The following MYRIP variants were observed in gnomAD, a reference collection of about 807,000 sequenced individuals.
MYRIP encodes myosin VIIA and Rab interacting protein.
MYRIP carries 49 observed loss-of-function variants against 98.0 expected under a neutral mutation model. The observed-to-expected ratio is 0.50, with a 90% CI of 0.40 to 0.63. MYRIP has a LOEUF of 0.63. MYRIP is among the 30% of genes least tolerant of loss of function. The pLI is 0.00. For missense variants in MYRIP, 1,004 were observed against 1,058.2 expected, an observed-to-expected ratio of 0.95 and a Z score of 0.71; for synonymous variants, 404 against 409.5, an observed-to-expected ratio of 0.99 and a Z score of 0.16.
At chr3:40,123,015 T>C (rs1465524991) in intron 3 of MYRIP, among the ~76,000 whole-genome samples, 3 of 152,190 alleles carry the variant, frequency 2.0e-5, no homozygotes, top group Non-Finnish European at 4.4e-5. Context: ...TTTTGAGCTT[T>C]TGAATTTTTC....
At chr3:39,957,778 C>G (rs1218463879) in intron 2 of MYRIP, among the ~76,000 whole-genome samples, 2 of 152,120 alleles carry the variant, frequency 1.3e-5, no homozygotes, top group Non-Finnish European at 2.9e-5. Flanking sequence ...ATTTAGAAAA[C>G]CCCATTGTCT....
At chr3:40,037,725 C>T (rs1947414804) in intron 2 of MYRIP, among the ~76,000 whole-genome samples, 1 of 152,088 alleles carries the variant, frequency 6.6e-6, no homozygotes, top group African/African-American at 2.4e-5. Flanking sequence ...CCTCTGCACC[C>T]TCTTTTCACA....
intron 1 of MYRIP, among the ~76,000 whole-genome samples, chr3:39,847,220 G>T (rs542758226): frequency 4.6e-5 from 7 of 152,212 alleles, no homozygotes; most frequent in Admixed American, 2.0e-4. Flanking sequence ...AAGATATCCT[G>T]CATGCAACTG....
chr3:39,913,438 A>C (rs1203799530), intron 2 of MYRIP, among the ~76,000 whole-genome samples: 1 of 152,314 alleles, frequency 6.6e-6, no homozygotes, highest in South Asian at 2.1e-4. Flanking sequence ...TAAACAGTAT[A>C]TTGGCCTTCC....
At chr3:40,036,166 A>G (rs1329775120) in intron 2 of MYRIP, among the ~76,000 whole-genome samples, 1 of 151,836 alleles carries the variant, frequency 6.6e-6, no homozygotes, top group Non-Finnish European at 1.5e-5. Flanking sequence ...ACAAATCCAC[A>G]CTTAGTTACT....
Position 39,924,281 on chromosome 3 carries a change from A to G in MYRIP, c.110+23355A>G, listed in dbSNP as rs1224637269. The stretch of plus-strand genomic sequence containing the variant: ...ATATAGATAGGTTGAAAGTAAAAGT[A>G]TAGAACTATATATATGATATAAAAA... On this transcript the variant is annotated intron_variant, in intron 2 of 16. Coordinates refer to ENST00000302541, the MANE Select transcript of MYRIP (RefSeq NM_015460.4). 4.6e-5 allele frequency among the ~76,000 whole-genome samples: 7 copies of G among 152,238 alleles called. No individual in the cohort carries two copies. In the East Asian group the frequency reaches 1.2e-3, roughly 25 times the overall value.
chr3:39,881,508 C>G (rs192641135), intron 1 of MYRIP, among the ~76,000 whole-genome samples: 15 of 152,278 alleles, frequency 9.9e-5, no homozygotes, highest in Non-Finnish European at 1.5e-4. Context: ...TCAGGTATAA[C>G]CTAAATGCCA....
At chr3:39,863,817 A>G (rs1232875361) in intron 1 of MYRIP, among the ~76,000 whole-genome samples, 1 of 152,128 alleles carries the variant, frequency 6.6e-6, no homozygotes, top group Non-Finnish European at 1.5e-5. Flanking sequence ...TCATCTTGAC[A>G]CCAAAACCCA....
chr3:40,133,000 A>G (rs1181015644), intron 3 of MYRIP, among the ~76,000 whole-genome samples: 2 of 152,216 alleles, frequency 1.3e-5, no homozygotes, highest in Middle Eastern at 3.4e-3. Flanking sequence ...GGTGGGAACT[A>G]ACAAAACTGT....
At chr3:40,112,493 C>T (rs952662895) in intron 3 of MYRIP, among the ~76,000 whole-genome samples, 7 of 152,116 alleles carry the variant, frequency 4.6e-5, no homozygotes, top group African/African-American at 1.7e-4. Flanking sequence ...TGGGTTTAGC[C>T]CATCACTTCC....
At chr3:40,195,801 A>G (rs982688358) in intron 10 of MYRIP, among the ~76,000 whole-genome samples, 3 of 151,988 alleles carry the variant, frequency 2.0e-5, no homozygotes, top group Non-Finnish European at 4.4e-5. Context: ...AGGGTTCCCT[A>G]TTTTATATTA....
chr3:39,860,978 T>C (rs1168116424), intron 1 of MYRIP, among the ~76,000 whole-genome samples: 1 of 152,242 alleles, frequency 6.6e-6, no homozygotes, highest in Non-Finnish European at 1.5e-5. Flanking sequence ...GCCAATGCCC[T>C]GTCTCAGCCA....
intron 3 of MYRIP, among the ~76,000 whole-genome samples, chr3:40,096,990 T>C (rs1231379654): frequency 3.3e-5 from 5 of 152,176 alleles, no homozygotes; most frequent in African/African-American, 7.2e-5. Context: ...TCAGCAGCCC[T>C]GCCAACAACT....
At chr3:40,257,897 T>C (rs1953648889) in intron 16 of MYRIP, among the ~76,000 whole-genome samples, 1 of 152,174 alleles carries the variant, frequency 6.6e-6, no homozygotes, top group Non-Finnish European at 1.5e-5. Context: ...ATTGGGATGG[T>C]AGTGGGAAAG....
intron 3 of MYRIP, among the ~76,000 whole-genome samples, chr3:40,090,705 A>C (rs541617201): frequency 7.0e-4 from 107 of 152,228 alleles, no homozygotes; most frequent in Non-Finnish European, 1.3e-3. Flanking sequence ...AATATCTTTC[A>C]GAAATAAAAG....
chr3:39,911,089 T>G (rs1024419218), intron 2 of MYRIP, among the ~76,000 whole-genome samples: 1 of 152,234 alleles, frequency 6.6e-6, no homozygotes, highest in Non-Finnish European at 1.5e-5. Flanking sequence ...CAGGACAGAA[T>G]GAACCCTTTC....
intron 2 of MYRIP, among the ~76,000 whole-genome samples, chr3:39,974,949 G>C (rs1181463838): frequency 6.6e-6 from 1 of 152,142 alleles, no homozygotes; most frequent in African/African-American, 2.4e-5. Context: ...TACTGAATGG[G>C]CAAAAACTAG....
chr3:40,182,222 G>C lies in MYRIP; in HGVS notation c.876G>C (p.Arg292Ser). 1.9e-6 allele frequency: 3 copies of C among 1,606,616 alleles called. No homozygotes were observed. The highest frequency in any genetic ancestry group is 2.6e-6 in the Non-Finnish European group (3 of 1,176,264). The change falls in exon 9 of 17, where the codon AGG (arginine) becomes AGC (serine). Residue 292 changes from arginine to serine, a missense_variant and splice_region_variant. Arg to Ser is a moderately radical substitution (Grantham distance 110). Around this residue, in one of 3 missense-constraint regions of MYRIP, gnomAD observed 880 missense variants for 907.7 expected, o/e 0.97. Coordinates refer to ENST00000302541, the MANE Select transcript of MYRIP (RefSeq NM_015460.4). ...CTTCCCCTCTTTCCTTTCCACAGAG[G>C]TCCCAGTCTGCCTTCTCAATCACTG... ...GGYRAPAALW[R>S]SQSAFSITGE...
At chr3:39,955,176 G>A (rs1206938238) in intron 2 of MYRIP, among the ~76,000 whole-genome samples, 2 of 152,026 alleles carry the variant, frequency 1.3e-5, no homozygotes, top group African/African-American at 2.4e-5. Flanking sequence ...TACAGAGAAT[G>A]CCACAAAGAT....
Sources: allele counts gnomAD v4.1 joint callset (sites outside exome capture counted in the v4.1 genomes callset), GRCh38; gene constraint gnomAD v4.1.1; regional missense constraint gnomAD v4.1.1; transcripts MANE v1.5; gene names NCBI Gene and HGNC (gene_info 2026-07-23, HGNC 2026-07-21).